Variants in ICA1 observed in about 807,000 individuals in gnomAD.
The protein encoded by ICA1 is islet cell autoantigen 1.
ICA1 carries 40 observed loss-of-function variants against 71.0 expected under a neutral mutation model. That is an observed-to-expected ratio of 0.56 (90% CI 0.44 to 0.73). The LOEUF is 0.73. Among genes scored for constraint, ICA1 ranks in the 30% least tolerant of loss-of-function variants. The pLI, the probability that ICA1 is intolerant of heterozygous loss-of-function variation, is 0.00. For synonymous variants in ICA1, 207 were observed against 209.5 expected (o/e 0.99, Z 0.10); for missense variants, 578 against 576.5 (o/e 1.00, Z -0.03).
At chr7:8,256,872 A>T (rs2128552345) in intron 1 of ICA1, among the ~76,000 whole-genome samples, 1 of 152,346 alleles carries the variant, frequency 6.6e-6, no homozygotes, top group Non-Finnish European at 1.5e-5. Flanking sequence ...AGCACTTTAC[A>T]TGTGTGAAGC....
At chr7:8,246,936 T>C (rs935565405) in intron 1 of ICA1, among the ~76,000 whole-genome samples, 1 of 152,134 alleles carries the variant, frequency 6.6e-6, no homozygotes, top group Non-Finnish European at 1.5e-5. Flanking sequence ...TTAGTAGAGA[T>C]GGGGTTTCAC....
chr7:8,187,911 C>T (rs1784392838), intron 6 of ICA1, among the ~76,000 whole-genome samples: 1 of 152,196 alleles, frequency 6.6e-6, no homozygotes, highest in Non-Finnish European at 1.5e-5. Context: ...TTATATGGTA[C>T]TTGACTGTGT....
intron 8 of ICA1, among the ~76,000 whole-genome samples, chr7:8,147,695 C>T (rs1267321885): frequency 1.4e-4 from 4 of 28,848 alleles, no homozygotes; most frequent in African/African-American, 2.2e-4. Context: ...GGAACACACA[C>T]ACACACACAC....
intron 13 of ICA1, among the ~76,000 whole-genome samples, chr7:8,125,996 G>C (rs1396160981): frequency 6.6e-6 from 1 of 152,192 alleles, no homozygotes; most frequent in Admixed American, 6.5e-5. Context: ...CAGCTCTCAG[G>C]CATAGTCTGG....
intron 8 of ICA1, among the ~76,000 whole-genome samples, chr7:8,152,807 C>CACCACCACCACA (rs1799832140): frequency 6.1e-5 from 9 of 148,506 alleles, no homozygotes; most frequent in African/African-American, 1.5e-4. Flanking sequence ...CCACCACCAC[C>CACCACCACCACA]ACCACCATCT....
chr7:8,221,602 A>G (rs1056161871), intron 4 of ICA1, among the ~76,000 whole-genome samples: 1 of 152,200 alleles, frequency 6.6e-6, no homozygotes, highest in African/African-American at 2.4e-5. Flanking sequence ...CGAGAGATCA[A>G]ATTCACTTGA....
chr7:8,200,990 T>A (rs1053953452), intron 6 of ICA1, among the ~76,000 whole-genome samples: 13 of 152,208 alleles, frequency 8.5e-5, no homozygotes, highest in African/African-American at 2.9e-4. Flanking sequence ...CCCACAAATT[T>A]CATTTACTTT....
At chr7:8,151,532 T>C in intron 8 of ICA1, among the ~76,000 whole-genome samples, 1 of 152,238 alleles carries the variant, frequency 6.6e-6, no homozygotes, top group East Asian at 1.9e-4. Context: ...GAGAGAAAAC[T>C]TGAAAGCCTA....
chr7:8,123,509 G>C lies in ICA1; in HGVS notation c.1330+4364C>G, dbSNP rs1440819336. Among the ~76,000 whole-genome samples the C allele has an allele frequency of 6.6e-6, 1 of 152,232 alleles. No homozygotes were observed. Among genetic ancestry groups the C allele is most frequent in the Admixed American group, 6.5e-5 (1 of 15,290 alleles). ...TGCCCCAGTCTCTCACGGAGAGCCAGGAAAACCTGAGATGCAGCAGGAGTG... is the reference window on the plus strand; with the variant it reads ...TGCCCCAGTCTCTCACGGAGAGCCACGAAAACCTGAGATGCAGCAGGAGTG... On this transcript the variant is annotated intron_variant, in intron 13 of 13. Transcript: ENST00000402384. This position sits in a 1 kb window ranked among gnomAD's most constrained non-coding sequence, Gnocchi z 4.1.
chr7:8,153,370 C>T (rs1486260102), intron 8 of ICA1, among the ~76,000 whole-genome samples: 9 of 152,196 alleles, frequency 5.9e-5, no homozygotes, highest in East Asian at 5.8e-4. Context: ...TCCACTGCTG[C>T]GAGGGGCCCA....
At chr7:8,139,631 G>A (rs1794550723) in intron 10 of ICA1, among the ~76,000 whole-genome samples, 1 of 152,214 alleles carries the variant, frequency 6.6e-6, no homozygotes, top group African/African-American at 2.4e-5. Flanking sequence ...CCCACAAAAT[G>A]TATAACACCA....
intron 6 of ICA1, among the ~76,000 whole-genome samples, chr7:8,171,811 T>C (rs1244139460): frequency 6.6e-6 from 1 of 151,990 alleles, no homozygotes; most frequent in Non-Finnish European, 1.5e-5. Context: ...GTGTTCTGAT[T>C]TCAATTATTT....
rs150919937 is a variant in ICA1, at chr7:8,146,436, T to G, written c.805-2464A>C. Among the ~76,000 whole-genome samples the G allele has an allele frequency of 4.8e-4, 73 of 152,266 alleles. 1 individual carries two copies. The East Asian group carries it at 0.013, about 27-fold the overall frequency. On this transcript the variant is annotated intron_variant, in intron 8 of 13. Coordinates refer to ENST00000402384, the MANE Select transcript of ICA1 (RefSeq NM_001136020.3). ...AAGAGTACAAGTCTTGAGACTGGGA[T>G]AAAGAGGTCAGCAGGGGTCACATGG...
intron 6 of ICA1, among the ~76,000 whole-genome samples, chr7:8,159,568 T>G (rs1802947742): frequency 6.6e-6 from 1 of 151,956 alleles, no homozygotes; most frequent in Non-Finnish European, 1.5e-5. Flanking sequence ...GGTGTGGGGT[T>G]GCACGCCTAT....
intron 6 of ICA1, among the ~76,000 whole-genome samples, chr7:8,161,169 A>G (rs1256078385): frequency 1.3e-5 from 2 of 152,216 alleles, no homozygotes; most frequent in Non-Finnish European, 2.9e-5. Flanking sequence ...TAGGGTGTCT[A>G]TAAAGCTGTA....
chr7:8,156,879 T>C, intron 8 of ICA1: 1 of 1,518,624 alleles, frequency 6.6e-7, no homozygotes, highest in Admixed American at 2.4e-5. Context: ...AAGGTTCAAT[T>C]CGCGCTTTTG....
intron 9 of ICA1, among the ~76,000 whole-genome samples, chr7:8,142,593 T>C (rs1047707792): frequency 4.6e-5 from 7 of 152,248 alleles, no homozygotes; most frequent in African/African-American, 1.7e-4. Flanking sequence ...AGGGACCCAC[T>C]TCAGGTCTCA....
At chr7:8,204,074 A>T (rs1156903047) in intron 6 of ICA1, among the ~76,000 whole-genome samples, 1 of 152,020 alleles carries the variant, frequency 6.6e-6, no homozygotes, top group Non-Finnish European at 1.5e-5. Flanking sequence ...GAAGGAAAAA[A>T]AAAAGCCCAA....
intron 6 of ICA1, among the ~76,000 whole-genome samples, chr7:8,159,200 C>T (rs994229890): frequency 2.6e-5 from 4 of 152,134 alleles, no homozygotes; most frequent in South Asian, 2.1e-4. Flanking sequence ...TCTAAGATCC[C>T]GTCGGAGGGA....
Sources: gnomAD v4.1 joint callset for allele counts (sites outside exome capture counted in the v4.1 genomes callset) on GRCh38, gnomAD v4.1.1 for gene constraint, Gnocchi (gnomAD v3.1) non-coding constraint, MANE v1.5 for transcripts, NCBI Gene and HGNC (gene_info 2026-07-23, HGNC 2026-07-21) for gene names.